KDM4B: variants seen among roughly 807,000 people sequenced by gnomAD.
KDM4B encodes lysine demethylase 4B.
In KDM4B, 32 loss-of-function variants were observed where a neutral mutation model predicts 125.2. The observed-to-expected ratio is 0.26, with a 90% CI of 0.19 to 0.34. The LOEUF (loss-of-function observed/expected upper bound fraction) is 0.34, where lower values mean the gene tolerates loss of function less well. Ranked by LOEUF, KDM4B falls within the 10% of genes least tolerant of loss-of-function variation. The pLI is 1.00. For missense variants in KDM4B, 1,190 were observed against 1,577.7 expected, an observed-to-expected ratio of 0.75 and a Z score of 4.16; for synonymous variants, 721 against 677.9, an observed-to-expected ratio of 1.06 and a Z score of -0.99.
chr19:4,982,488 C>T (rs1308190137), intron 1 of KDM4B, among the ~76,000 whole-genome samples: 1 of 150,510 alleles, frequency 6.6e-6, no homozygotes, highest in Non-Finnish European at 1.5e-5. Context: ...AGAAGAAAAC[C>T]TGGATGTATA....
intron 9 of KDM4B, among the ~76,000 whole-genome samples, chr19:5,090,752 T>TCA (rs1447162528): frequency 7.2e-6 from 1 of 139,226 alleles, no homozygotes; most frequent in East Asian, 2.3e-4. Context: ...TTTGCCAAGG[T>TCA]CACACAGCAG....
At chr19:5,058,448 G>A (rs2037477768) in intron 6 of KDM4B, among the ~76,000 whole-genome samples, 1 of 152,170 alleles carries the variant, frequency 6.6e-6, no homozygotes. Context: ...GAGGATGGGT[G>A]ACCAGCTCAG....
intron 13 of KDM4B, among the ~76,000 whole-genome samples, chr19:5,132,938 G>A (rs2039585152): frequency 6.6e-6 from 1 of 152,176 alleles, no homozygotes. Context: ...CTTGGCCTAA[G>A]GGCTTCCTGA....
intron 1 of KDM4B, among the ~76,000 whole-genome samples, chr19:4,977,488 C>T (rs757982390): frequency 1.1e-4 from 16 of 152,212 alleles, no homozygotes; most frequent in Non-Finnish European, 1.5e-4. Context: ...ATAGACCTCC[C>T]GTCAGCATTC....
intron 1 of KDM4B, among the ~76,000 whole-genome samples, chr19:5,011,711 AAG>A (rs2035732737): frequency 6.6e-6 from 1 of 152,228 alleles, no homozygotes; most frequent in South Asian, 2.1e-4. Context: ...AGACCCGGGA[AAG>A]AGGTGGGCAG....
At chr19:5,071,204 G>A (rs1426395349) in intron 7 of KDM4B, 145 bp downstream of exon 7, 1 of 702,490 alleles carries the variant, frequency 1.4e-6, no homozygotes, top group Non-Finnish European at 2.3e-6. Flanking sequence ...AGCCATTACT[G>A]TGTGATTTTT....
intron 9 of KDM4B, among the ~76,000 whole-genome samples, chr19:5,098,415 A>G (rs1158408630): frequency 6.6e-6 from 1 of 152,196 alleles, no homozygotes; most frequent in East Asian, 1.9e-4. Context: ...CAGACCGGAG[A>G]ACAGCTGCCC....
intron 9 of KDM4B, among the ~76,000 whole-genome samples, chr19:5,101,903 C>T (rs539718878): frequency 6.6e-6 from 1 of 152,312 alleles, no homozygotes; most frequent in Admixed American, 6.5e-5. Flanking sequence ...GTGTCACCCA[C>T]ATCCTCCACT....
At chr19:4,976,099 A>G (rs1350545126) in intron 1 of KDM4B, among the ~76,000 whole-genome samples, 1 of 151,580 alleles carries the variant, frequency 6.6e-6, no homozygotes, top group African/African-American at 2.4e-5. Context: ...AAAATACAAA[A>G]TTAGTTGGGC....
intron 2 of KDM4B, among the ~76,000 whole-genome samples, chr19:5,024,000 C>T (rs1168440365): frequency 6.6e-6 from 1 of 152,118 alleles, no homozygotes; most frequent in Non-Finnish European, 1.5e-5. Flanking sequence ...GATCACCCAC[C>T]TTGGCCTCCC....
intron 5 of KDM4B, 80 bp downstream of exon 5, chr19:5,041,331 C>G (rs900323868): frequency 9.2e-7 from 1 of 1,086,312 alleles, no homozygotes; most frequent in Non-Finnish European, 1.4e-6. Flanking sequence ...GGGACTCTGC[C>G]TTGGCAGATG....
chr19:5,148,442 C>T (rs1048168795), intron 21 of KDM4B, among the ~76,000 whole-genome samples: 1 of 152,226 alleles, frequency 6.6e-6, no homozygotes, highest in Non-Finnish European at 1.5e-5. Context: ...CTGCAGTCTT[C>T]CTGACCCAGA....
chr19:5,039,549 A>G (rs2036737061), intron 3 of KDM4B, among the ~76,000 whole-genome samples: 1 of 152,228 alleles, frequency 6.6e-6, no homozygotes, highest in African/African-American at 2.4e-5. Flanking sequence ...TGCTGAGTCT[A>G]ATCCTGCACA....
intron 1 of KDM4B, among the ~76,000 whole-genome samples, chr19:4,973,837 A>AC (rs1375585480): frequency 2.8e-4 from 36 of 130,598 alleles, no homozygotes; most frequent in East Asian, 9.9e-4. Flanking sequence ...AAAAAAAAAA[A>AC]AAAAAAAACT....
At chr19:5,113,869 CCCTCATGTGTTTACCAGGTG>C (rs1288630186) in intron 10 of KDM4B, 2 of 984,530 alleles carry the variant, frequency 2.0e-6, no homozygotes, top group Non-Finnish European at 2.4e-6. Flanking sequence ...TGTGGGATGG[CCCTCATGTGTTTACCAGGTG>C]CCCCATGGGG....
At chr19:5,007,358 CTT>C (rs2035593052) in intron 1 of KDM4B, among the ~76,000 whole-genome samples, 1 of 152,134 alleles carries the variant, frequency 6.6e-6, no homozygotes, top group Non-Finnish European at 1.5e-5. Context: ...ACTGTTGACT[CTT>C]TTTGTATCTT....
intron 9 of KDM4B, 127 bp from the exon 10 acceptor site, chr19:5,110,495 G>A (rs2039118792): frequency 1.6e-5 from 13 of 829,396 alleles, no homozygotes; most frequent in East Asian, 5.2e-5. Flanking sequence ...TTCTAGAAGC[G>A]GAATGCTCAG....
At chr19:4,974,738 C>CAAA (rs796667578) in intron 1 of KDM4B, among the ~76,000 whole-genome samples, 1 of 69,382 alleles carries the variant, frequency 1.4e-5, no homozygotes, top group Non-Finnish European at 3.4e-5. Context: ...ACTCTGTCTC[C>CAAA]AAAAAAAAAA....
intron 2 of KDM4B, among the ~76,000 whole-genome samples, chr19:5,028,083 A>C (rs263067): frequency 0.69 from 105,118 of 152,036 alleles, 36,693 homozygotes; most frequent in African/African-American, 0.78. Flanking sequence ...CTCAAGTGAT[A>C]CTCCTGCCTC....
Sources: allele counts gnomAD v4.1 joint callset (sites outside exome capture counted in the v4.1 genomes callset), GRCh38; gene constraint gnomAD v4.1.1; transcripts MANE v1.5; gene names NCBI Gene and HGNC (gene_info 2026-07-23, HGNC 2026-07-21).